The following ZDHHC14 variants were observed in gnomAD, a reference collection of about 807,000 sequenced individuals.
The protein encoded by ZDHHC14 is palmitoyltransferase ZDHHC14.
Under a neutral mutation model 47.7 loss-of-function variants are expected in ZDHHC14, and 16 were observed. That is an observed-to-expected ratio of 0.34 (90% CI 0.23 to 0.51). ZDHHC14 has a LOEUF of 0.51. Ranked by LOEUF, ZDHHC14 falls within the 20% of genes least tolerant of loss-of-function variation. ZDHHC14 has a pLI of 0.97. For missense variants in ZDHHC14, 515 were observed against 662.5 expected, an observed-to-expected ratio of 0.78 and a Z score of 2.44; for synonymous variants, 293 against 278.9, an observed-to-expected ratio of 1.05 and a Z score of -0.50.
At chr6:157,465,105 CTTTTTTTTTT>C (rs772080368) in intron 1 of ZDHHC14, among the ~76,000 whole-genome samples, 3 of 101,998 alleles carry the variant, frequency 2.9e-5, no homozygotes, top group South Asian at 3.6e-4. Flanking sequence ...TCTCTTTCTC[CTTTTTTTTTT>C]TTTTTTTTTT....
At chr6:157,452,244 G>A (rs1778819708) in intron 1 of ZDHHC14, among the ~76,000 whole-genome samples, 1 of 76,160 alleles carries the variant, frequency 1.3e-5, no homozygotes, top group African/African-American at 3.5e-5. Context: ...AAAGTACCTA[G>A]TATTTTTTTT....
intron 1 of ZDHHC14, among the ~76,000 whole-genome samples, chr6:157,461,489 T>TA (rs1237529299): frequency 6.6e-6 from 1 of 152,184 alleles, no homozygotes; most frequent in Non-Finnish European, 1.5e-5. Context: ...TACAGTCCGT[T>TA]ACGGCCCAGC....
At chr6:157,440,100 C>A (rs1778532263) in intron 1 of ZDHHC14, among the ~76,000 whole-genome samples, 1 of 152,018 alleles carries the variant, frequency 6.6e-6, no homozygotes, top group Non-Finnish European at 1.5e-5. Flanking sequence ...TGCAGCAAAT[C>A]ATCATGGCAC....
intron 1 of ZDHHC14, among the ~76,000 whole-genome samples, chr6:157,475,856 G>A (rs1583682873): frequency 6.6e-6 from 1 of 152,088 alleles, no homozygotes; most frequent in South Asian, 2.1e-4. Flanking sequence ...TCTTTGATGA[G>A]TGGGTCAAAA....
intron 3 of ZDHHC14, among the ~76,000 whole-genome samples, chr6:157,604,764 G>A (rs201060581): frequency 2.0e-5 from 3 of 152,232 alleles, no homozygotes; most frequent in Non-Finnish European, 2.9e-5. Flanking sequence ...GGCTGGTCTC[G>A]AACTCCTGAC....
intron 1 of ZDHHC14, among the ~76,000 whole-genome samples, chr6:157,481,324 C>T (rs1426982065): frequency 6.6e-6 from 1 of 152,172 alleles, no homozygotes; most frequent in Non-Finnish European, 1.5e-5. Context: ...GAAGTCTACA[C>T]AGAAAATGGA....
intron 1 of ZDHHC14, among the ~76,000 whole-genome samples, chr6:157,493,941 A>G (rs1344647936): frequency 6.6e-6 from 1 of 152,198 alleles, no homozygotes; most frequent in Non-Finnish European, 1.5e-5. Context: ...GCTCAAGGCC[A>G]CACCTGGATA....
intron 1 of ZDHHC14, among the ~76,000 whole-genome samples, chr6:157,437,635 C>A (rs1324808432): frequency 6.6e-6 from 1 of 152,234 alleles, no homozygotes; most frequent in African/African-American, 2.4e-5. Flanking sequence ...CTCTGCATTT[C>A]TTACTCGTAA....
chr6:157,427,673 C>T lies in ZDHHC14; in HGVS notation c.245+45407C>T, dbSNP rs1413579657. 6.6e-6 allele frequency among the ~76,000 whole-genome samples: 1 copy of T among 152,066 alleles called. No individual in the cohort carries two copies. Among genetic ancestry groups the T allele is most frequent in the African/African-American group, 2.4e-5 (1 of 41,396 alleles). ...AGGAACGTGAGTATTGAGATGTCGGCATGGGAGGTGGCTTGGATTTTCTTT... is the reference window on the plus strand; with the variant it reads ...AGGAACGTGAGTATTGAGATGTCGGTATGGGAGGTGGCTTGGATTTTCTTT... On this transcript the variant is annotated intron_variant, in intron 1 of 8. Coordinates refer to ENST00000359775, the MANE Select transcript of ZDHHC14 (RefSeq NM_024630.3). This position sits in a 1 kb window ranked among gnomAD's most constrained non-coding sequence, Gnocchi z 4.4.
At chr6:157,404,729 G>T (rs1306897792) in intron 1 of ZDHHC14, among the ~76,000 whole-genome samples, 2 of 152,148 alleles carry the variant, frequency 1.3e-5, no homozygotes, top group African/African-American at 4.8e-5. Context: ...CTTGTCTTTG[G>T]TTAGATAACT....
intron 2 of ZDHHC14, among the ~76,000 whole-genome samples, chr6:157,591,633 C>A (rs1289817132): frequency 6.6e-6 from 1 of 152,152 alleles, no homozygotes; most frequent in Non-Finnish European, 1.5e-5. Context: ...TGAGAACAGA[C>A]TAATACAATG....
chr6:157,624,856 G>A (rs1466910065), intron 3 of ZDHHC14, among the ~76,000 whole-genome samples: 1 of 152,228 alleles, frequency 6.6e-6, no homozygotes, highest in Middle Eastern at 3.2e-3. Flanking sequence ...CTGTGACAGA[G>A]TACCACAGAC....
At chr6:157,639,875 A>G (rs904823072) in intron 5 of ZDHHC14, among the ~76,000 whole-genome samples, 1 of 152,234 alleles carries the variant, frequency 6.6e-6, no homozygotes, top group Non-Finnish European at 1.5e-5. Flanking sequence ...AAAAGAATCT[A>G]AAAGATAACA....
At chr6:157,519,969 C>G (rs1780857545) in intron 1 of ZDHHC14, among the ~76,000 whole-genome samples, 2 of 152,152 alleles carry the variant, frequency 1.3e-5, no homozygotes, top group Admixed American at 1.3e-4. Context: ...CTGACATTTG[C>G]GAGCCTGGGA....
chr6:157,399,366 G>T (rs1777585133), intron 1 of ZDHHC14, among the ~76,000 whole-genome samples: 1 of 152,186 alleles, frequency 6.6e-6, no homozygotes, highest in South Asian at 2.1e-4. Flanking sequence ...TTGGCATTTT[G>T]TAAGTGTTCG....
At chr6:157,383,328 C>T (rs1562403958) in intron 1 of ZDHHC14, among the ~76,000 whole-genome samples, 1 of 152,192 alleles carries the variant, frequency 6.6e-6, no homozygotes, top group Non-Finnish European at 1.5e-5. Context: ...GGGAGCTCTT[C>T]TTTGGGCTTC....
intron 2 of ZDHHC14, among the ~76,000 whole-genome samples, chr6:157,590,355 A>C (rs1783861383): frequency 6.6e-6 from 1 of 152,112 alleles, no homozygotes; most frequent in South Asian, 2.1e-4. Flanking sequence ...GGAGGAAAAA[A>C]TGGTTTCCTG....
At position 157,673,417 on chromosome 6, in the gene ZDHHC14, C is replaced by T. The variant is rs571270080; in HGVS notation, c.*295C>T. On this transcript the variant is annotated 3_prime_UTR_variant, in exon 9 of 9. Transcript: ENST00000359775. This position sits in a 1 kb window ranked among gnomAD's most constrained non-coding sequence, Gnocchi z 5.4. ...GGGGTGGAATCGGAGTGTGTCTGCC[C>T]GCCCTTGTGACAGACACACGGAAGG... 4.4e-6 allele frequency: 2 copies of T among 459,400 alleles called. No homozygotes were observed. Among genetic ancestry groups the T allele is most frequent in the Non-Finnish European group, 7.6e-6 (2 of 263,740 alleles). The allele number at this position is 459,400 out of a possible 1,614,324, so 28.5% of individuals were successfully genotyped here. A position where few individuals can be genotyped will look rare whatever the true frequency, so the allele number is the denominator to read the frequency against.
At chr6:157,600,965 G>T (rs529755914) in intron 3 of ZDHHC14, among the ~76,000 whole-genome samples, 97 of 152,310 alleles carry the variant, frequency 6.4e-4, no homozygotes, top group African/African-American at 2.2e-3. Flanking sequence ...GAGAGATGCC[G>T]CGCAGGAGGC....
Sources: gnomAD v4.1 joint callset for allele counts (sites outside exome capture counted in the v4.1 genomes callset) on GRCh38, gnomAD v4.1.1 for gene constraint, Gnocchi (gnomAD v3.1) non-coding constraint, MANE v1.5 for transcripts, NCBI Gene and HGNC (gene_info 2026-07-23, HGNC 2026-07-21) for gene names.